The following EIF4E2 variants were observed in gnomAD, a reference collection of about 807,000 sequenced individuals.
The protein encoded by EIF4E2 is eukaryotic translation initiation factor 4E family member 2, also known as eukaryotic translation initiation factor 4E type 2.
In EIF4E2, 13 loss-of-function variants were observed where a neutral mutation model predicts 34.2. The ratio of observed to expected loss-of-function variants is 0.38; its 90% confidence interval spans 0.25 to 0.60. The LOEUF is 0.60. EIF4E2 is among the 20% of genes least tolerant of loss of function. The pLI is 0.62. For missense variants in EIF4E2, 222 were observed against 315.1 expected, an observed-to-expected ratio of 0.70 and a Z score of 2.24; for synonymous variants, 100 against 106.6, an observed-to-expected ratio of 0.94 and a Z score of 0.38.
rs554396964 is a variant in EIF4E2, at chr2:232,558,008, C to A, written c.260C>A (p.Thr87Asn). The change falls in exon 3 of 7, where the codon ACC becomes AAC. Residue 87 changes from threonine (T) to asparagine (N), a missense_variant. Thr to Asn is a moderately conservative substitution (Grantham distance 65). Transcript: ENST00000258416. ...SYEQNIKQIG[T>N]FASVEQFWRF... ...GAACAGAATATCAAACAGATTGGCA[C>A]CTTTGCCTCTGTGAGTTCTTGGTGA... The A allele has an allele frequency of 6.2e-7, 1 of 1,614,086 alleles. No individual in the cohort carries two copies. The highest frequency in any genetic ancestry group is 8.5e-7 in the Non-Finnish European group (1 of 1,180,016).
Position 232,566,961 on chromosome 2 carries a change from G to A in EIF4E2, c.508G>A (p.Val170Met). Residue 170 changes from valine (V) to methionine (M), a missense_variant, in exon 5 of 7, where the codon GTG becomes ATG. Val to Met is a conservative substitution (Grantham distance 21). This residue lies in a region of EIF4E2 where 105 missense variants were observed against 195.1 expected (regional missense o/e 0.54). Coordinates refer to ENST00000258416, the MANE Select transcript of EIF4E2 (RefSeq NM_004846.4). The surrounding 1 kb of genome is among the most constrained non-coding windows in gnomAD (Gnocchi z 4.9). Reference sequence around the variant, plus strand: ...GGTTGGGGAGGAGATCTGTGGGGCTGTGGTGTCTGTCCGCTTTCAGGTAAG... The same window carrying A: ...GGTTGGGGAGGAGATCTGTGGGGCTATGGTGTCTGTCCGCTTTCAGGTAAG... ...FMVGEEICGA[V>M]VSVRFQEDII... The A allele has an allele frequency of 6.3e-7, 1 of 1,599,048 alleles. No homozygotes were observed. The highest frequency in any genetic ancestry group is 8.5e-7 in the Non-Finnish European group (1 of 1,172,302).
chr2:232,571,999 G>A (rs984011622), downstream of EIF4E2, among the ~76,000 whole-genome samples: 1 of 152,202 alleles, frequency 6.6e-6, no homozygotes, highest in Non-Finnish European at 1.5e-5. Flanking sequence ...TTTCTGGTAC[G>A]TGAGATGGGC....
chr2:232,560,019 A>C (rs1347252685), intron 3 of EIF4E2, among the ~76,000 whole-genome samples: 1 of 152,148 alleles, frequency 6.6e-6, no homozygotes, highest in East Asian at 1.9e-4. Flanking sequence ...CGAGTCAGTC[A>C]TAATTCACTG....
chr2:232,577,073 T>A (rs183861450), intron 6 of EIF4E2, among the ~76,000 whole-genome samples: 4 of 152,364 alleles, frequency 2.6e-5, no homozygotes, highest in African/African-American at 7.2e-5. Flanking sequence ...GGATTCTGAT[T>A]ACTCAGCTGT....
At chr2:232,555,839 C>T (rs1417833348) in intron 1 of EIF4E2, among the ~76,000 whole-genome samples, 1 of 152,138 alleles carries the variant, frequency 6.6e-6, no homozygotes, top group Non-Finnish European at 1.5e-5. Context: ...AAGCGAGGGA[C>T]AGTTGAAAGT....
Position 232,581,288 on chromosome 2 carries a change from A to G in EIF4E2, c.*345A>G. The G allele has an allele frequency of 2.4e-6, 1 of 413,634 alleles. No homozygotes were observed. Among genetic ancestry groups the G allele is most frequent in the African/African-American group, 2.0e-5 (1 of 49,118 alleles). 25.6% of individuals were successfully genotyped at this position (413,634 alleles called of 1,614,324 possible). The stretch of plus-strand genomic sequence containing the variant: ...GTGTTGTACGAAGGGTACCGTGGCC[A>G]CGTGTACATGCCAGAGCTGTTGATG... On this transcript the variant is annotated 3_prime_UTR_variant, in exon 7 of 7. Coordinates refer to the EIF4E2 transcript ENST00000409098. The surrounding 1 kb of genome is among the most constrained non-coding windows in gnomAD (Gnocchi z 5.2).
chr2:232,580,600 G>C (rs1486626270), intron 6 of EIF4E2, among the ~76,000 whole-genome samples: 4 of 152,240 alleles, frequency 2.6e-5, no homozygotes, highest in Non-Finnish European at 4.4e-5. Flanking sequence ...TTCCACAGTA[G>C]TAGAGAGCTT....
chr2:232,572,938 C>T (rs185618730), downstream of EIF4E2, among the ~76,000 whole-genome samples: 238 of 152,338 alleles, frequency 1.6e-3, no homozygotes, highest in African/African-American at 5.0e-3. Context: ...ATTTAAATCT[C>T]AGCATTACAG....
At chr2:232,568,128 G>C in intron 6 of EIF4E2, 1 of 985,298 alleles carries the variant, frequency 1.0e-6, no homozygotes, top group Admixed American at 6.1e-5. Flanking sequence ...GCTTTTACGG[G>C]GCCAAGTAGT....
intron 3 of EIF4E2, among the ~76,000 whole-genome samples, chr2:232,560,463 A>G (rs564331187): frequency 1.3e-5 from 2 of 152,224 alleles, no homozygotes; most frequent in Non-Finnish European, 2.9e-5. Flanking sequence ...GTAACACACT[A>G]AACGCACAAG....
chr2:232,578,251 T>TC (rs1182853656), intron 6 of EIF4E2, among the ~76,000 whole-genome samples: 1 of 152,182 alleles, frequency 6.6e-6, no homozygotes, highest in African/African-American at 2.4e-5. Context: ...ACTCTTCTCC[T>TC]CCCCCTTTTC....
chr2:232,553,501 G>C (rs866455838), intron 1 of EIF4E2, among the ~76,000 whole-genome samples: 3 of 152,200 alleles, frequency 2.0e-5, no homozygotes, highest in Admixed American at 6.5e-5. Flanking sequence ...TATTGGTCTA[G>C]TTCAGAGGGT....
intron 4 of EIF4E2, among the ~76,000 whole-genome samples, chr2:232,565,552 T>G (rs1233091851): frequency 1.3e-5 from 2 of 151,974 alleles, no homozygotes; most frequent in East Asian, 1.9e-4. Context: ...GAGACTCACT[T>G]GAACCCAGGA....
chr2:232,558,195 T>G (rs1692591517), intron 3 of EIF4E2, 177 bp downstream of exon 3: 2 of 692,072 alleles, frequency 2.9e-6, no homozygotes, highest in Non-Finnish European at 4.6e-6. Flanking sequence ...ATATCCATGG[T>G]TAGCATGTAG....
At chr2:232,551,218 G>A (rs781610981) in intron 1 of EIF4E2, 4 of 478,568 alleles carry the variant, frequency 8.4e-6, no homozygotes, top group Non-Finnish European at 1.7e-5. Flanking sequence ...GATGCAATGA[G>A]GTAATGTGGT....
intron 6 of EIF4E2, among the ~76,000 whole-genome samples, chr2:232,577,055 A>G (rs1693241218): frequency 6.6e-6 from 1 of 152,224 alleles, no homozygotes; most frequent in African/African-American, 2.4e-5. Context: ...CAGTGAGCTG[A>G]TAGGAAAGGA....
intron 6 of EIF4E2, among the ~76,000 whole-genome samples, chr2:232,579,946 C>T (rs1240925236): frequency 6.6e-6 from 1 of 152,140 alleles, no homozygotes; most frequent in Admixed American, 6.5e-5. Flanking sequence ...TGTTGAGACT[C>T]AGATGGTGAC....
chr2:232,574,862 C>T (rs1693171459), intron 6 of EIF4E2, among the ~76,000 whole-genome samples: 1 of 152,180 alleles, frequency 6.6e-6, no homozygotes, highest in Non-Finnish European at 1.5e-5. Context: ...GCAGTTGTTC[C>T]AAGCTGTACT....
chr2:232,580,796 C>T (rs1658513232), intron 6 of EIF4E2: 3 of 1,006,640 alleles, frequency 3.0e-6, no homozygotes, highest in Non-Finnish European at 4.4e-6. Context: ...CGGGATATGT[C>T]ATGGAGACCC....
Sources: allele counts gnomAD v4.1 joint callset (sites outside exome capture counted in the v4.1 genomes callset), GRCh38; gene constraint gnomAD v4.1.1; regional missense constraint gnomAD v4.1.1; non-coding constraint Gnocchi (gnomAD v3.1); transcripts MANE v1.5; gene names NCBI Gene and HGNC (gene_info 2026-07-23, HGNC 2026-07-21).